The following BCAR3 variants were observed in gnomAD, a reference collection of about 807,000 sequenced individuals.
BCAR3 encodes the protein breast cancer anti-estrogen resistance protein 3.
BCAR3 carries 37 observed loss-of-function variants against 80.1 expected under a neutral mutation model. That is an observed-to-expected ratio of 0.46 (90% CI 0.36 to 0.61). The LOEUF is 0.61. Ranked by LOEUF, BCAR3 falls within the 20% of genes least tolerant of loss-of-function variation. The probability of loss-of-function intolerance (pLI) is 0.00; values close to 1 mark genes in which losing one functional copy is unlikely to be tolerated. For synonymous variants in BCAR3, 389 were observed against 418.9 expected, an observed-to-expected ratio of 0.93 and a Z score of 0.87; for missense variants, 978 against 1,068.2, an observed-to-expected ratio of 0.92 and a Z score of 1.18.
rs567445187 is a variant in BCAR3, at chr1:93,586,731, T to A, written c.929+2246A>T. ...CATTTGTTATTACCTGTCTTTTGGA[T>A]ATAGGCCTTTTTAACTGGGGTAAGG... On this transcript the variant is annotated intron_variant, in intron 5 of 11. Coordinates refer to ENST00000260502, the MANE Select transcript of BCAR3 (RefSeq NM_003567.4). The surrounding 1 kb of genome is among the most constrained non-coding windows in gnomAD (Gnocchi z 4.2). Among the ~76,000 whole-genome samples, 1 of 152,356 alleles carries A rather than the reference T, an allele frequency of 6.6e-6. No individual in the cohort carries two copies. The highest frequency in any genetic ancestry group is 1.9e-4 in the East Asian group (1 of 5,196).
Position 93,567,454 on chromosome 1 carries a change from T to C in BCAR3, c.2124A>G (p.Pro708=), listed in dbSNP as rs1187170623. The C allele has an allele frequency of 6.8e-6, 11 of 1,614,068 alleles. No individual in the cohort carries two copies. The highest frequency in any genetic ancestry group is 1.6e-4 in the Middle Eastern group (1 of 6,084). Residue 708 remains proline, a synonymous_variant, in exon 11 of 12, where the codon CCA becomes CCG. Transcript: ENST00000260502. ...TCVPPNNVSV[P]LLMPLVTLME... is the part of the protein sequence containing the mutation. ...TTAACGTCACAAGCGGCATCAGCAG[T>C]GGGACTGATACATTGTTTGGGGGAA...
At chr1:93,610,133 A>G (rs1674906791) in intron 3 of BCAR3, among the ~76,000 whole-genome samples, 1 of 152,272 alleles carries the variant, frequency 6.6e-6, no homozygotes, top group South Asian at 2.1e-4. Flanking sequence ...ACAACCGGTG[A>G]CTGCTGAGCT....
chr1:93,591,955 C>T (rs546686464), intron 4 of BCAR3, among the ~76,000 whole-genome samples: 10 of 152,328 alleles, frequency 6.6e-5, no homozygotes, highest in Non-Finnish European at 1.0e-4. Flanking sequence ...GGCCACAGCC[C>T]GCCCTCCTAG....
At chr1:93,786,347 T>C (rs1013903111) in intron 2 of BCAR3, among the ~76,000 whole-genome samples, 1 of 152,094 alleles carries the variant, frequency 6.6e-6, no homozygotes, top group Non-Finnish European at 1.5e-5. Flanking sequence ...AGCACCCAGC[T>C]CACACACTTA....
At chr1:93,616,730 G>T (rs1193629581) in intron 3 of BCAR3, among the ~76,000 whole-genome samples, 2 of 152,202 alleles carry the variant, frequency 1.3e-5, no homozygotes, top group African/African-American at 2.4e-5. Flanking sequence ...TTGGATACAG[G>T]GCTTTCTAAA....
Position 93,771,077 on chromosome 1 carries a change from T to C in BCAR3, c.-62-64935A>G, listed in dbSNP as rs536684934. On this transcript the variant is annotated intron_variant, in intron 2 of 13. Coordinates refer to the BCAR3 transcript ENST00000370244. ...AGTACTAATAATACTAGCTAATGTT[T>C]ATTAAGCATTTACTATACCCATGTA... Among the ~76,000 whole-genome samples the C allele has an allele frequency of 4.6e-5, 7 of 152,342 alleles. No homozygotes were observed. In the East Asian group the frequency reaches 1.2e-3, roughly 25 times the overall value.
intron 3 of BCAR3, among the ~76,000 whole-genome samples, chr1:93,595,643 T>G (rs150769647): frequency 1.3e-5 from 2 of 152,388 alleles, no homozygotes; most frequent in East Asian, 3.9e-4. Context: ...GCCTGTATTT[T>G]ATGAGATCTT....
chr1:93,643,908 C>G (rs981752452), intron 2 of BCAR3, among the ~76,000 whole-genome samples: 9 of 152,198 alleles, frequency 5.9e-5, no homozygotes, highest in African/African-American at 2.2e-4. Flanking sequence ...ATCTTGGATA[C>G]ATACTGAGGA....
intron 3 of BCAR3, among the ~76,000 whole-genome samples, chr1:93,625,806 C>A (rs1570982526): frequency 6.6e-6 from 1 of 152,162 alleles, no homozygotes; most frequent in South Asian, 2.1e-4. Context: ...TGGAGCTCAG[C>A]CAGCAAATCC....
chr1:93,582,982 A>G lies in BCAR3; in HGVS notation c.1034-29T>C, dbSNP rs773474481. 6 of 1,554,456 alleles carry G rather than the reference A, an allele frequency of 3.9e-6. No homozygotes were observed. In the Admixed American group the frequency reaches 9.2e-5, roughly 24 times the overall value. On this transcript the variant is annotated intron_variant, in intron 6 of 11. Coordinates refer to ENST00000260502, the MANE Select transcript of BCAR3 (RefSeq NM_003567.4). ...TGGGGGATAAGAAAAGGTCAGAGAA[A>G]GCTCATCTGTGTGGAGAATATAAAA...
At chr1:93,763,079 G>A (rs764046206) in intron 2 of BCAR3, among the ~76,000 whole-genome samples, 116 of 152,092 alleles carry the variant, frequency 7.6e-4, no homozygotes, top group Non-Finnish European at 3.7e-4. Context: ...TTTCTATTTT[G>A]TTTTGTTTTT....
At chr1:93,787,732 A>C (rs761553991) in intron 2 of BCAR3, among the ~76,000 whole-genome samples, 1 of 152,234 alleles carries the variant, frequency 6.6e-6, no homozygotes, top group Non-Finnish European at 1.5e-5. Flanking sequence ...GTGGCCTATC[A>C]TATGGTCTAT....
intron 2 of BCAR3, among the ~76,000 whole-genome samples, chr1:93,741,637 C>T (rs114709197): frequency 0.012 from 1,811 of 152,252 alleles, 25 homozygotes; most frequent in African/African-American, 0.033. Flanking sequence ...ATGGCGCTAT[C>T]GGCTCACTGC....
chr1:93,615,002 TTC>T (rs987753297), intron 3 of BCAR3, among the ~76,000 whole-genome samples: 2 of 145,992 alleles, frequency 1.4e-5, no homozygotes, highest in African/African-American at 2.7e-5. Flanking sequence ...GCTCAACGAG[TTC>T]TTTTTTTTTT....
chr1:93,562,536 G>A (rs1258558379), intron 11 of BCAR3, 117 bp from the exon 12 acceptor site: 9 of 770,622 alleles, frequency 1.2e-5, no homozygotes, highest in South Asian at 3.9e-5. Flanking sequence ...TTGGGAGGCC[G>A]AGGTGGGTGG....
intron 2 of BCAR3, among the ~76,000 whole-genome samples, chr1:93,665,752 CAA>C (rs1647878341): frequency 6.6e-6 from 1 of 152,176 alleles, no homozygotes; most frequent in Non-Finnish European, 1.5e-5. Context: ...TAGCAAACCC[CAA>C]ACAGAAGTCC....
intron 11 of BCAR3, among the ~76,000 whole-genome samples, chr1:93,565,608 A>T (rs1672911193): frequency 6.6e-6 from 1 of 152,258 alleles, no homozygotes; most frequent in Non-Finnish European, 1.5e-5. Context: ...GTATTGGCTT[A>T]TGCAACATCC....
intron 3 of BCAR3, among the ~76,000 whole-genome samples, chr1:93,697,041 T>C (rs913224461): frequency 5.9e-5 from 9 of 152,170 alleles, no homozygotes; most frequent in Admixed American, 5.9e-4. Context: ...CCTCCTCTCC[T>C]CCCTTAGCCT....
chr1:93,762,154 C>G (rs988312144), intron 2 of BCAR3, among the ~76,000 whole-genome samples: 2 of 152,218 alleles, frequency 1.3e-5, no homozygotes, highest in African/African-American at 4.8e-5. Context: ...TCCATAGGGG[C>G]TGAAGACAGC....
Sources: gnomAD v4.1 joint callset for allele counts (sites outside exome capture counted in the v4.1 genomes callset) on GRCh38, gnomAD v4.1.1 for gene constraint, Gnocchi (gnomAD v3.1) non-coding constraint, MANE v1.5 for transcripts, NCBI Gene and HGNC (gene_info 2026-07-23, HGNC 2026-07-21) for gene names.